The following CELF4 variants were observed in gnomAD, a reference collection of about 807,000 sequenced individuals.
CELF4 encodes CUG-BP- and ETR-3-like factor 4.
In CELF4, 18 loss-of-function variants were observed where a neutral mutation model predicts 59.9. The ratio of observed to expected loss-of-function variants is 0.30; its 90% CI spans 0.21 to 0.45. The LOEUF is 0.45. CELF4 is among the 20% of genes least tolerant of loss of function. CELF4 has a pLI of 1.00. For synonymous variants in CELF4, 261 were observed against 267.1 expected, an observed-to-expected ratio of 0.98 and a Z score of 0.22; for missense variants, 456 against 689.0, an observed-to-expected ratio of 0.66 and a Z score of 3.79.
intron 2 of CELF4, among the ~76,000 whole-genome samples, chr18:37,371,433 C>T (rs190065761): frequency 7.9e-5 from 12 of 152,304 alleles, no homozygotes; most frequent in Admixed American, 5.2e-4. Flanking sequence ...CAAGGACTCT[C>T]GAGGAGAAAT....
intron 3 of CELF4, among the ~76,000 whole-genome samples, chr18:37,286,683 C>T (rs984039123): frequency 3.3e-5 from 5 of 152,196 alleles, no homozygotes; most frequent in Non-Finnish European, 7.3e-5. Flanking sequence ...GCCTCAGCAT[C>T]CTCCTTACTT....
chr18:37,270,571 C>A (rs1376643241), intron 8 of CELF4, among the ~76,000 whole-genome samples, 197 bp downstream of exon 8: 1 of 152,180 alleles, frequency 6.6e-6, no homozygotes, highest in Non-Finnish European at 1.5e-5. Flanking sequence ...TCCCCAAGGG[C>A]AGGATTTTGG....
At chr18:37,362,647 G>A (rs9952361) in intron 2 of CELF4, among the ~76,000 whole-genome samples, 17,571 of 148,714 alleles carry the variant, frequency 0.12, 1,086 homozygotes, top group Middle Eastern at 0.15. Flanking sequence ...ACCCTAGCTC[G>A]AACAGGCCAC....
chr18:37,476,401 T>G (rs1269665571), intron 2 of CELF4, among the ~76,000 whole-genome samples: 1 of 152,200 alleles, frequency 6.6e-6, no homozygotes, highest in East Asian at 1.9e-4. Flanking sequence ...GGTGGGCTCA[T>G]GGGAACATAC....
intron 2 of CELF4, among the ~76,000 whole-genome samples, chr18:37,378,390 G>A (rs915771932): frequency 6.6e-6 from 1 of 151,840 alleles, no homozygotes; most frequent in South Asian, 2.1e-4. Flanking sequence ...GGGCCATAGG[G>A]GTGGCCAAGG....
chr18:37,417,533 G>T (rs2099539195), intron 2 of CELF4, among the ~76,000 whole-genome samples: 1 of 152,226 alleles, frequency 6.6e-6, no homozygotes, highest in African/African-American at 2.4e-5. Flanking sequence ...TTGGCCAAGT[G>T]GTGCTATCTC....
At chr18:37,348,717 G>A (rs185639791) in intron 2 of CELF4, among the ~76,000 whole-genome samples, 2 of 152,116 alleles carry the variant, frequency 1.3e-5, no homozygotes, top group African/African-American at 4.8e-5. Context: ...CCCATCGGGG[G>A]TCATTCCTGG....
intron 2 of CELF4, among the ~76,000 whole-genome samples, chr18:37,352,291 G>C (rs931665205): frequency 6.6e-6 from 1 of 152,166 alleles, no homozygotes; most frequent in Non-Finnish European, 1.5e-5. Context: ...TGGCACAGCC[G>C]TGAGAGCTTA....
In CELF4 at chr18:37,244,897, C is replaced by G. The variant is rs1187585050; in HGVS notation, c.*345G>C. 1 of 152,634 alleles carries G rather than the reference C, an allele frequency of 6.6e-6. No homozygotes were observed. Among genetic ancestry groups the G allele is most frequent in the African/African-American group, 2.4e-5 (1 of 41,474 alleles). The allele number at this position is 152,634 out of a possible 1,614,324, so 9.5% of individuals were successfully genotyped here. A position where few individuals can be genotyped will look rare whatever the true frequency, so the allele number is the denominator to read the frequency against. ...GCAGCGTCTCCTCCCAGCTCCCAGC[C>G]CTTCAGCCTCCCCGTCTGCTCGTGA... On this transcript the variant is annotated 3_prime_UTR_variant, in exon 13 of 13. Transcript: ENST00000420428.
chr18:37,370,395 A>C (rs1159936617), intron 2 of CELF4, among the ~76,000 whole-genome samples: 1 of 152,128 alleles, frequency 6.6e-6, no homozygotes, highest in Non-Finnish European at 1.5e-5. Flanking sequence ...TAGAAGGGGT[A>C]TGGCAGGCTG....
intron 2 of CELF4, among the ~76,000 whole-genome samples, chr18:37,471,207 A>G (rs2099826802): frequency 6.6e-6 from 1 of 151,974 alleles, no homozygotes; most frequent in Non-Finnish European, 1.5e-5. Context: ...CTGCTCCTGG[A>G]AAGGGGGACT....
At chr18:37,522,517 G>A (rs181706394) in intron 1 of CELF4, among the ~76,000 whole-genome samples, 28 of 152,052 alleles carry the variant, frequency 1.8e-4, no homozygotes, top group African/African-American at 3.1e-4. Context: ...GTGTGTGAGC[G>A]CGCACACACA....
intron 3 of CELF4, among the ~76,000 whole-genome samples, chr18:37,303,436 A>C (rs767171373): frequency 6.6e-6 from 1 of 152,186 alleles, no homozygotes; most frequent in Non-Finnish European, 1.5e-5. Flanking sequence ...TTTTGAATTT[A>C]AAGTATATTT....
At chr18:37,313,420 CA>C (rs1422481326) in intron 3 of CELF4, among the ~76,000 whole-genome samples, 1 of 152,190 alleles carries the variant, frequency 6.6e-6, no homozygotes, top group African/African-American at 2.4e-5. Context: ...GGAAAATTGA[CA>C]CTTCTGTATA....
chr18:37,265,137 C>T (rs1318976799), intron 9 of CELF4, among the ~76,000 whole-genome samples: 3 of 149,246 alleles, frequency 2.0e-5, no homozygotes, highest in Non-Finnish European at 4.4e-5. Context: ...TACATGCATA[C>T]ATGCATGTGT....
chr18:37,253,721 G>C lies in CELF4; in HGVS notation c.*44+46C>G. 6 of 1,451,324 alleles carry C rather than the reference G, an allele frequency of 4.1e-6. No homozygotes were observed. The highest frequency in any genetic ancestry group is 5.6e-6 in the Non-Finnish European group (6 of 1,080,434). The allele number at this position is 1,451,324 out of a possible 1,614,324, so 89.9% of individuals were successfully genotyped here. On this transcript the variant is annotated intron_variant, in intron 12 of 12. Transcript: ENST00000420428. This position sits in a 1 kb window ranked among gnomAD's most constrained non-coding sequence, Gnocchi z 4.5. Reference sequence around the variant, plus strand: ...CCGGAGGAGGCGGCGGGTCCGTCTGGTTCCCTCCCAACCCCCGTCCCCGCG... The same window carrying C: ...CCGGAGGAGGCGGCGGGTCCGTCTGCTTCCCTCCCAACCCCCGTCCCCGCG...
At chr18:37,261,692 A>G (rs2074595327) in intron 10 of CELF4, among the ~76,000 whole-genome samples, 1 of 152,222 alleles carries the variant, frequency 6.6e-6, no homozygotes, top group African/African-American at 2.4e-5. Flanking sequence ...AGAGACAGAA[A>G]GCGGCTACCC....
chr18:37,295,934 T>G (rs78738892), intron 3 of CELF4, among the ~76,000 whole-genome samples: 2 of 152,156 alleles, frequency 1.3e-5, no homozygotes, highest in Non-Finnish European at 2.9e-5. Context: ...CTTGCAGATG[T>G]GGTAGTGTGA....
At chr18:37,380,113 G>T (rs529705120) in intron 2 of CELF4, among the ~76,000 whole-genome samples, 2 of 152,260 alleles carry the variant, frequency 1.3e-5, no homozygotes, top group African/African-American at 4.8e-5. Context: ...TTGAACCCAA[G>T]GTTGAATTAC....
Sources: allele counts gnomAD v4.1 joint callset (sites outside exome capture counted in the v4.1 genomes callset), GRCh38; gene constraint gnomAD v4.1.1; non-coding constraint Gnocchi (gnomAD v3.1); transcripts MANE v1.5; gene names NCBI Gene and HGNC (gene_info 2026-07-23, HGNC 2026-07-21).